The following ATAD2B variants were observed in gnomAD, a reference collection of about 807,000 sequenced individuals.
The protein encoded by ATAD2B is ATPase family AAA domain containing 2B, also known as ATPase family AAA domain-containing protein 2B.
In ATAD2B, 40 loss-of-function variants were observed where a neutral mutation model predicts 167.6. The observed-to-expected ratio is 0.24, with a 90% confidence interval of 0.19 to 0.31. ATAD2B has a LOEUF of 0.31. ATAD2B is among the 10% of genes least tolerant of loss of function. The probability of loss-of-function intolerance (pLI) is 1.00; values close to 1 mark genes in which losing one functional copy is unlikely to be tolerated. For synonymous variants in ATAD2B, 579 were observed against 596.5 expected, an observed-to-expected ratio of 0.97 and a Z score of 0.43; for missense variants, 1,242 against 1,757.2, an observed-to-expected ratio of 0.71 and a Z score of 5.24.
intron 2 of ATAD2B, among the ~76,000 whole-genome samples, chr2:23,889,152 A>C (rs976308419): frequency 2.0e-5 from 3 of 152,134 alleles, no homozygotes; most frequent in African/African-American, 7.2e-5. Context: ...AAAATCACAA[A>C]TATGTATGAC....
chr2:23,742,890 A>G, the ATAD2B span, among the ~76,000 whole-genome samples: 1 of 152,194 alleles, frequency 6.6e-6, no homozygotes, highest in Non-Finnish European at 1.5e-5. Flanking sequence ...TCAGACTAAA[A>G]GGACATGATT....
intron 6 of ATAD2B, among the ~76,000 whole-genome samples, chr2:23,881,228 G>A (rs1374058322): frequency 6.6e-6 from 1 of 152,138 alleles, no homozygotes; most frequent in Non-Finnish European, 1.5e-5. Context: ...TGATTTGTTA[G>A]GCCTGTTGAC....
chr2:23,881,763 G>C (rs547074762), intron 6 of ATAD2B, among the ~76,000 whole-genome samples: 2 of 151,614 alleles, frequency 1.3e-5, no homozygotes, highest in South Asian at 4.2e-4. Context: ...TGCTCTTGTT[G>C]CCCAGACTGG....
At chr2:23,718,317 GC>G in the ATAD2B span, among the ~76,000 whole-genome samples, 1 of 152,272 alleles carries the variant, frequency 6.6e-6, no homozygotes, top group Non-Finnish European at 1.5e-5. Context: ...CCCTAGGAAA[GC>G]ATTAGCCTCC....
intron 24 of ATAD2B, 119 bp downstream of exon 24, chr2:23,762,090 A>T: frequency 9.7e-7 from 1 of 1,026,598 alleles, no homozygotes. Context: ...TTCACCTCTG[A>T]AAAGAGATTA....
At chr2:23,811,134 T>C (rs1368853280) in intron 17 of ATAD2B, 2 of 152,252 alleles carry the variant, frequency 1.3e-5, no homozygotes, top group Non-Finnish European at 2.9e-5. Flanking sequence ...TGAAGATGCA[T>C]TAAACTCCAG....
At chr2:23,868,555 G>A (rs537599037) in intron 9 of ATAD2B, among the ~76,000 whole-genome samples, 19 of 152,234 alleles carry the variant, frequency 1.2e-4, no homozygotes, top group Non-Finnish European at 2.4e-4. Flanking sequence ...GATTACAGGC[G>A]TAAGCCATCA....
the ATAD2B span, chr2:23,689,859 G>A: frequency 4.2e-4 from 64 of 152,286 alleles, 1 homozygote; most frequent in African/African-American, 1.2e-3. Flanking sequence ...CAAAGCCACC[G>A]AGGTATGGAA....
At chr2:23,849,611 T>C (rs1260583122) in intron 13 of ATAD2B, among the ~76,000 whole-genome samples, 2 of 152,178 alleles carry the variant, frequency 1.3e-5, no homozygotes, top group Non-Finnish European at 2.9e-5. Flanking sequence ...GGCAGATCAC[T>C]TGAAGTCAGG....
the ATAD2B span, among the ~76,000 whole-genome samples, chr2:23,730,205 A>G: frequency 6.6e-6 from 1 of 152,228 alleles, no homozygotes; most frequent in African/African-American, 2.4e-5. Context: ...AAAATAATAC[A>G]TAGTATATTC....
At chr2:23,785,993 C>A in intron 21 of ATAD2B, 34 bp downstream of exon 21, 2 of 1,531,262 alleles carry the variant, frequency 1.3e-6, no homozygotes, top group South Asian at 1.3e-5. Context: ...TTAGCCAGTT[C>A]AACTTCACTG....
At chr2:23,713,674 C>T in the ATAD2B span, among the ~76,000 whole-genome samples, 1 of 152,154 alleles carries the variant, frequency 6.6e-6, no homozygotes, top group Non-Finnish European at 1.5e-5. Flanking sequence ...AATACTTGGC[C>T]TTGTGTTTCC....
chr2:23,918,466 T>C (rs1339698582), intron 1 of ATAD2B, among the ~76,000 whole-genome samples: 2 of 152,040 alleles, frequency 1.3e-5, no homozygotes, highest in Non-Finnish European at 2.9e-5. Flanking sequence ...TACACATATA[T>C]AATATTAAGG....
intron 24 of ATAD2B, among the ~76,000 whole-genome samples, chr2:23,760,697 TATACACAC>T (rs1338107865): frequency 6.8e-5 from 8 of 118,072 alleles, no homozygotes; most frequent in South Asian, 2.9e-4. Context: ...AATTTATATA[TATACACAC>T]ACACACACAC....
chr2:23,762,675 A>T, intron 23 of ATAD2B, among the ~76,000 whole-genome samples: 1 of 152,172 alleles, frequency 6.6e-6, no homozygotes, highest in Non-Finnish European at 1.5e-5. Flanking sequence ...AAAAATAATG[A>T]CCTCTGCCAT....
At chr2:23,920,062 A>G (rs146618570) in intron 1 of ATAD2B, among the ~76,000 whole-genome samples, 29 of 151,922 alleles carry the variant, frequency 1.9e-4, no homozygotes, top group African/African-American at 6.8e-4. Context: ...GAGGCAGGAG[A>G]ATCTCTGGAA....
chr2:23,693,389 C>G, the ATAD2B span: 1 of 1,551,776 alleles, frequency 6.4e-7, no homozygotes, highest in Non-Finnish European at 8.7e-7. Flanking sequence ...GAGGTGGCCG[C>G]CCAGGAGGAG....
intron 13 of ATAD2B, among the ~76,000 whole-genome samples, chr2:23,835,534 C>T (rs769682766): frequency 2.6e-4 from 40 of 152,140 alleles, no homozygotes; most frequent in Non-Finnish European, 4.6e-4. Flanking sequence ...GGAGTTATGG[C>T]TAAAGGGTTT....
At position 23,878,025 on chromosome 2, in the gene ATAD2B, A is replaced by AAAAAAAAAAAAAAAAAAG. The variant is rs1558714074; in HGVS notation, c.902-2122_902-2121insCTTTTTTTTTTTTTTTTT. On this transcript the variant is annotated intron_variant, in intron 7 of 27. Transcript: ENST00000238789. Reference sequence around the variant, plus strand: ...ACCCTATCTCCAAAGAAAAAAAAAAAAAAAAAAAAAAAAAGCAAAATGTAT... The same window carrying AAAAAAAAAAAAAAAAAAG: ...ACCCTATCTCCAAAGAAAAAAAAAAAAAAAAAAAAAAAAAAAAGAAAAAAAAAAAAAAGCAAAATGTAT... Among the ~76,000 whole-genome samples, 53 of 106,948 alleles carry AAAAAAAAAAAAAAAAAAG rather than the reference A, an allele frequency of 5.0e-4. 4 individuals are homozygous for AAAAAAAAAAAAAAAAAAG. The highest frequency in any genetic ancestry group is 2.6e-3 in the Admixed American group (18 of 6,980). The allele number at this position is 106,948 out of a possible 152,430, so 70.2% of individuals were successfully genotyped here.
Sources: gnomAD v4.1 joint callset for allele counts (sites outside exome capture counted in the v4.1 genomes callset) on GRCh38, gnomAD v4.1.1 for gene constraint, MANE v1.5 for transcripts, NCBI Gene and HGNC (gene_info 2026-07-23, HGNC 2026-07-21) for gene names.